CEP83: variants seen among roughly 807,000 people sequenced by gnomAD.
The protein encoded by CEP83 is centrosomal protein 83, also known as centrosomal protein of 83 kDa.
Under a neutral mutation model 101.9 loss-of-function variants are expected in CEP83, and 70 were observed. The ratio of observed to expected loss-of-function variants is 0.69; its 90% confidence interval spans 0.57 to 0.84. The LOEUF (loss-of-function observed/expected upper bound fraction) is 0.84. Ranked by LOEUF, CEP83 falls within the 40% of genes least tolerant of loss-of-function variation. The pLI is 0.00. For synonymous variants in CEP83, 264 were observed against 267.9 expected, an observed-to-expected ratio of 0.99 and a Z score of 0.14; for missense variants, 715 against 787.2, an observed-to-expected ratio of 0.91 and a Z score of 1.10.
chr12:94,440,397 C>A (rs2066310062), intron 1 of CEP83, among the ~76,000 whole-genome samples: 1 of 151,880 alleles, frequency 6.6e-6, no homozygotes, highest in South Asian at 2.1e-4. Context: ...CAACAGCCAC[C>A]AAGCTGAGAA....
At chr12:94,456,772 G>A (rs2138671511) in intron 1 of CEP83, among the ~76,000 whole-genome samples, 1 of 152,230 alleles carries the variant, frequency 6.6e-6, no homozygotes, top group South Asian at 2.1e-4. Flanking sequence ...TATAATTCAA[G>A]GTGAGATTTG....
chr12:94,279,577 G>A, the CEP83 span: 3 of 1,614,214 alleles, frequency 1.9e-6, no homozygotes, highest in Non-Finnish European at 2.5e-6. Flanking sequence ...CCAAGCCAAA[G>A]AAAAGATTTT....
At chr12:94,281,401 T>G in the CEP83 span, among the ~76,000 whole-genome samples, 1 of 152,054 alleles carries the variant, frequency 6.6e-6, no homozygotes, top group Non-Finnish European at 1.5e-5. Flanking sequence ...ACATAAGGGG[T>G]GTCAGCCGCC....
At chr12:94,354,788 G>C (rs1055930934) in intron 11 of CEP83, among the ~76,000 whole-genome samples, 2 of 152,088 alleles carry the variant, frequency 1.3e-5, no homozygotes, top group African/African-American at 4.8e-5. Flanking sequence ...GAGGCAGGAG[G>C]ATCACAAGGT....
At chr12:94,291,302 C>T in the CEP83 span, among the ~76,000 whole-genome samples, 3 of 152,350 alleles carry the variant, frequency 2.0e-5, no homozygotes, top group East Asian at 3.9e-4. Context: ...GTGGCACAAT[C>T]GTGGCTCACT....
chr12:94,381,252 A>G (rs1404753102), intron 6 of CEP83, among the ~76,000 whole-genome samples: 1 of 152,118 alleles, frequency 6.6e-6, no homozygotes, highest in Non-Finnish European at 1.5e-5. Flanking sequence ...TCAGACTTAC[A>G]TGTCATCTTC....
chr12:94,447,469 C>A (rs1226966789), intron 1 of CEP83, among the ~76,000 whole-genome samples: 2 of 152,068 alleles, frequency 1.3e-5, no homozygotes, highest in Non-Finnish European at 2.9e-5. Flanking sequence ...CGCACTATTG[C>A]ACTCCAGCCT....
chr12:94,329,451 T>G (rs2059115432), intron 14 of CEP83, among the ~76,000 whole-genome samples: 1 of 152,056 alleles, frequency 6.6e-6, no homozygotes, highest in Non-Finnish European at 1.5e-5. Context: ...TTTATAGAGA[T>G]GGGGTCTGGC....
At chr12:94,298,907 T>G in the CEP83 span, 2 of 1,046,296 alleles carry the variant, frequency 1.9e-6, no homozygotes, top group Admixed American at 3.0e-5. Context: ...ATCAGAATCT[T>G]TGGGCTTGGT....
intron 6 of CEP83, among the ~76,000 whole-genome samples, chr12:94,385,824 T>C (rs977178024): frequency 2.0e-5 from 3 of 152,244 alleles, no homozygotes; most frequent in Non-Finnish European, 4.4e-5. Flanking sequence ...TCCACATACA[T>C]ATGACAGGGG....
intron 11 of CEP83, among the ~76,000 whole-genome samples, chr12:94,354,032 A>G (rs1235800362): frequency 6.6e-6 from 1 of 152,326 alleles, no homozygotes; most frequent in East Asian, 1.9e-4. Flanking sequence ...ATAGACACCA[A>G]TGCAATAATA....
At chr12:94,415,386 C>T (rs1182153603) in intron 2 of CEP83, among the ~76,000 whole-genome samples, 3 of 151,968 alleles carry the variant, frequency 2.0e-5, no homozygotes, top group Admixed American at 1.3e-4. Flanking sequence ...AGAGATGAAT[C>T]TTATGAAAGA....
the CEP83 span, among the ~76,000 whole-genome samples, chr12:94,273,365 T>C: frequency 3.9e-5 from 6 of 152,110 alleles, no homozygotes; most frequent in Non-Finnish European, 8.8e-5. Flanking sequence ...TTCTGTAGAC[T>C]TCCTGACCTG....
chr12:94,332,026 G>C (rs1404552274), intron 13 of CEP83, among the ~76,000 whole-genome samples, 197 bp from the exon 14 acceptor site: 1 of 152,198 alleles, frequency 6.6e-6, no homozygotes, highest in Non-Finnish European at 1.5e-5. Context: ...ACTGGACTTA[G>C]AAAACTATGT....
chr12:94,268,068 A>G, the CEP83 span, among the ~76,000 whole-genome samples: 33 of 152,282 alleles, frequency 2.2e-4, no homozygotes, highest in African/African-American at 7.9e-4. Context: ...CTCACGAACC[A>G]CTTGAAATGA....
intron 11 of CEP83, among the ~76,000 whole-genome samples, chr12:94,336,333 A>T (rs2059446784): frequency 6.6e-6 from 1 of 152,170 alleles, no homozygotes; most frequent in Non-Finnish European, 1.5e-5. Context: ...ACATTACACT[A>T]ATTAGGTTTG....
chr12:94,436,662 CT>C (rs934749332), intron 1 of CEP83, among the ~76,000 whole-genome samples: 2 of 151,948 alleles, frequency 1.3e-5, no homozygotes, highest in Non-Finnish European at 2.9e-5. Context: ...GAAATCCCAT[CT>C]CCACTAAAAA....
At chr12:94,333,399 T>G in intron 13 of CEP83, 83 bp downstream of exon 13, 1 of 1,212,834 alleles carries the variant, frequency 8.2e-7, no homozygotes, top group Non-Finnish European at 1.2e-6. Context: ...TAAAATATAA[T>G]CAACATTGGA....
chr12:94,336,751 A>G (rs2059465299), intron 11 of CEP83, among the ~76,000 whole-genome samples: 1 of 152,032 alleles, frequency 6.6e-6, no homozygotes, highest in Admixed American at 6.6e-5. Flanking sequence ...TCATAATTCT[A>G]GCTACATGAT....
Sources: gnomAD v4.1 joint callset for allele counts (sites outside exome capture counted in the v4.1 genomes callset) on GRCh38, gnomAD v4.1.1 for gene constraint, MANE v1.5 for transcripts, NCBI Gene and HGNC (gene_info 2026-07-23, HGNC 2026-07-21) for gene names.